CACNA1A: variants seen among roughly 807,000 people sequenced by gnomAD.
The protein encoded by CACNA1A is calcium voltage-gated channel subunit alpha1 A, also known as voltage-dependent P/Q-type calcium channel subunit alpha-1A.
In CACNA1A, 57 loss-of-function variants were observed where a neutral mutation model predicts 262.4. That is an observed-to-expected ratio of 0.22 (90% CI 0.18 to 0.27). The LOEUF is 0.27. Among genes scored for constraint, CACNA1A ranks in the 10% least tolerant of loss-of-function variants. The pLI is 1.00. For missense variants in CACNA1A, 2,526 were observed against 3,562.8 expected (o/e 0.71, Z 7.41); for synonymous variants, 1,431 against 1,419.3 (o/e 1.01, Z -0.18).
intron 6 of CACNA1A, among the ~76,000 whole-genome samples, chr19:13,354,869 C>CTTTTTTTTT (rs56350383): frequency 2.6e-5 from 3 of 115,098 alleles, no homozygotes; most frequent in Non-Finnish European, 5.0e-5. Flanking sequence ...TTTTCTTTTT[C>CTTTTTTTTT]TTTTTTTTTT....
intron 34 of CACNA1A, chr19:13,234,701 C>T (rs2055808608): frequency 9.3e-6 from 5 of 537,986 alleles, no homozygotes; most frequent in Middle Eastern, 5.1e-4. Context: ...GAGGAGGGCA[C>T]GCCCCCTATC....
At chr19:13,437,398 G>A (rs1271357001) in intron 3 of CACNA1A, among the ~76,000 whole-genome samples, 1 of 152,084 alleles carries the variant, frequency 6.6e-6, no homozygotes, top group Non-Finnish European at 1.5e-5. Context: ...AGGCAGCTAA[G>A]AAAAGAAAAG....
rs994820572 is a variant in CACNA1A, at chr19:13,207,899, G to A, written c.6935C>T (p.Pro2312Leu). Residue 2312 changes from proline to leucine, a missense_variant, in exon 47 of 47, where the codon CCG (proline) becomes CTG (leucine). Pro to Leu is a moderately conservative substitution (Grantham distance 98). Transcript: ENST00000360228. This position sits in a 1 kb window ranked among gnomAD's most constrained non-coding sequence, Gnocchi z 5.7. Reference sequence around the variant, plus strand: ...CTGCTGCTGCTGCTGCTGCTGCTGCGGGGGCCCCGAGCCGCCGGCCTTACG... The same window carrying A: ...CTGCTGCTGCTGCTGCTGCTGCTGCAGGGGCCCCGAGCCGCCGGCCTTACG... ...VIRKAGGSGP[P>L]QQQQQQQQQQ... 6 of 1,453,760 alleles carry A rather than the reference G, an allele frequency of 4.1e-6. No homozygotes were observed. The highest frequency in any genetic ancestry group is 2.9e-5 in the East Asian group (1 of 34,214). 90.1% of individuals were successfully genotyped at this position (1,453,760 alleles called of 1,614,324 possible). A position where few individuals can be genotyped will look rare whatever the true frequency, so the allele number is the denominator to read the frequency against.
intron 10 of CACNA1A, among the ~76,000 whole-genome samples, chr19:13,318,888 A>ATTTTTTTTTTTTTTTTT (rs1600317762): frequency 5.3e-5 from 5 of 94,684 alleles, no homozygotes; most frequent in African/African-American, 2.5e-4. Flanking sequence ...TCTAAAATAC[A>ATTTTTTTTTTTTTTTTT]TCTTTTTTTT....
intron 3 of CACNA1A, chr19:13,451,270 G>T (rs779642663): frequency 1.6e-4 from 24 of 152,288 alleles, no homozygotes; most frequent in Non-Finnish European, 2.5e-4. Context: ...GTGAGAGCCC[G>T]GCCAGCACAG....
intron 5 of CACNA1A, among the ~76,000 whole-genome samples, chr19:13,360,986 C>T (rs2059101370): frequency 6.6e-6 from 1 of 152,106 alleles, no homozygotes; most frequent in Admixed American, 6.6e-5. Context: ...ATAATATAGT[C>T]AGTTTTAGTA....
At chr19:13,405,416 G>A (rs1021042890) in intron 3 of CACNA1A, among the ~76,000 whole-genome samples, 13 of 151,948 alleles carry the variant, frequency 8.6e-5, no homozygotes, top group African/African-American at 3.1e-4. Context: ...ATGTTACCCA[G>A]GCTGGCCTCG....
At chr19:13,244,481 C>G (rs1481290409) in intron 31 of CACNA1A, 1 of 152,440 alleles carries the variant, frequency 6.6e-6, no homozygotes, top group Non-Finnish European at 1.5e-5. Flanking sequence ...TTGCTTCCCC[C>G]TGCAAGGATC....
intron 6 of CACNA1A, among the ~76,000 whole-genome samples, chr19:13,340,730 A>G (rs2058665048): frequency 6.6e-6 from 1 of 152,154 alleles, no homozygotes; most frequent in South Asian, 2.1e-4. Context: ...CCTGGCCGAG[A>G]GGTCAAGTTA....
chr19:13,267,919 T>C (rs1226047889), intron 24 of CACNA1A, among the ~76,000 whole-genome samples: 1 of 151,870 alleles, frequency 6.6e-6, no homozygotes, highest in Admixed American at 6.6e-5. Flanking sequence ...TAGCTGGAAA[T>C]ACAGGCAAAT....
In CACNA1A at chr19:13,329,523, C is replaced by G. The variant is rs2058430848; in HGVS notation, c.1345+721G>C. ...TTTTTTTTTGAGACAGGATCTTGCT[C>G]TGTTGCCCAGGCTGGAGGGCAGTGA... On this transcript the variant is annotated intron_variant, in intron 10 of 46. Coordinates refer to ENST00000360228, the MANE Select transcript of CACNA1A (RefSeq NM_001127222.2). 3.8e-5 allele frequency among the ~76,000 whole-genome samples: 5 copies of G among 131,160 alleles called. No individual in the cohort carries two copies. In the Admixed American group the frequency reaches 4.2e-4, roughly 11 times the overall value. The allele number at this position is 131,160 out of a possible 152,430, so 86.0% of individuals were successfully genotyped here. A position where few individuals can be genotyped will look rare whatever the true frequency, so the allele number is the denominator to read the frequency against.
intron 6 of CACNA1A, among the ~76,000 whole-genome samples, chr19:13,348,926 T>TGG (rs2058846397): frequency 6.8e-6 from 1 of 146,186 alleles, no homozygotes; most frequent in Admixed American, 7.0e-5. Context: ...AAGAATCGCT[T>TGG]GAACCCAGGA....
chr19:13,410,533 CTTTT>C (rs1301266758), intron 3 of CACNA1A, among the ~76,000 whole-genome samples: 1 of 134,374 alleles, frequency 7.4e-6, no homozygotes, highest in African/African-American at 2.9e-5. Flanking sequence ...TTTCTTTATT[CTTTT>C]TTCTTTTTTT....
intron 31 of CACNA1A, among the ~76,000 whole-genome samples, chr19:13,237,720 C>T (rs1012060361): frequency 6.6e-6 from 1 of 152,174 alleles, no homozygotes; most frequent in Admixed American, 6.5e-5. Context: ...CTCGAACAAG[C>T]CCCAAACCCA....
intron 18 of CACNA1A, 38 bp downstream of exon 18, chr19:13,300,512 G>C (rs1341813863): frequency 7.0e-7 from 1 of 1,420,114 alleles, no homozygotes; most frequent in South Asian, 1.1e-5. Context: ...TGGACGTTCA[G>C]GAGCCAGGGT....
chr19:13,323,554 C>T (rs930135023), intron 10 of CACNA1A, among the ~76,000 whole-genome samples: 8 of 152,246 alleles, frequency 5.3e-5, no homozygotes, highest in East Asian at 1.9e-4. Flanking sequence ...CTCCTCCTCC[C>T]GGGCTCAAGG....
intron 6 of CACNA1A, 59 bp downstream of exon 6, chr19:13,359,547 C>A (rs943122103): frequency 2.2e-6 from 3 of 1,393,134 alleles, no homozygotes; most frequent in Non-Finnish European, 3.0e-6. Context: ...TCACTGGTCC[C>A]AGGAGGCCAC....
chr19:13,354,880 T>TCG (rs2058980756), intron 6 of CACNA1A, among the ~76,000 whole-genome samples: 1 of 80,180 alleles, frequency 1.2e-5, no homozygotes, highest in Non-Finnish European at 2.9e-5. Context: ...TTTTTTTTTT[T>TCG]TTTTTTTTTT....
intron 22 of CACNA1A, among the ~76,000 whole-genome samples, chr19:13,282,760 C>A (rs1471054507): frequency 6.6e-6 from 1 of 152,118 alleles, no homozygotes; most frequent in African/African-American, 2.4e-5. Context: ...TGGGACACAG[C>A]AAGTGCTCAA....
Sources: gnomAD v4.1 joint callset for allele counts (sites outside exome capture counted in the v4.1 genomes callset) on GRCh38, gnomAD v4.1.1 for gene constraint, Gnocchi (gnomAD v3.1) non-coding constraint, MANE v1.5 for transcripts, NCBI Gene and HGNC (gene_info 2026-07-23, HGNC 2026-07-21) for gene names.